The following NRK variants were observed in gnomAD, a reference collection of about 807,000 sequenced individuals.
NRK encodes the protein nik-related protein kinase.
A neutral mutation model predicts 125.2 loss-of-function variants in NRK; 67 were observed. The ratio of observed to expected loss-of-function variants is 0.54; its 90% CI spans 0.44 to 0.66. The LOEUF is 0.66. NRK is among the 30% of genes least tolerant of loss of function. NRK has a pLI of 0.00. For synonymous variants in NRK, 458 were observed against 429.0 expected (o/e 1.07, Z -0.84); for missense variants, 1,224 against 1,192.9 (o/e 1.03, Z -0.38).
chrX:105,896,857 A>G (rs1371247005), intron 7 of NRK, among the ~76,000 whole-genome samples: 1 of 111,618 alleles, frequency 9.0e-6, no homozygotes, highest in Non-Finnish European at 1.9e-5. Context: ...CAATAAATGA[A>G]TAAACAATGA....
intron 9 of NRK, among the ~76,000 whole-genome samples, chrX:105,904,450 G>A (rs1353108272): frequency 8.9e-6 from 1 of 111,935 alleles, no homozygotes; most frequent in Non-Finnish European, 1.9e-5. Flanking sequence ...TAACATCTTT[G>A]TTATAATATC....
At chrX:105,933,964 A>T (rs1199283401) in intron 19 of NRK, among the ~76,000 whole-genome samples, 3 of 112,022 alleles carry the variant, frequency 2.7e-5, no homozygotes, top group African/African-American at 9.7e-5. Flanking sequence ...TCTAAATATC[A>T]TGCTTAGCAC....
intron 22 of NRK, among the ~76,000 whole-genome samples, chrX:105,939,008 A>C (rs761491809): frequency 9.1e-6 from 1 of 109,394 alleles, no homozygotes; most frequent in African/African-American, 3.5e-5. Context: ...AAAAGCATGA[A>C]AGTAACTGCC....
chrX:105,845,517 T>C (rs1311013538), intron 2 of NRK, among the ~76,000 whole-genome samples: 1 of 112,154 alleles, frequency 8.9e-6, no homozygotes, highest in Non-Finnish European at 1.9e-5. Flanking sequence ...ACATTTTTAA[T>C]GTAAGTATGT....
intron 27 of NRK, among the ~76,000 whole-genome samples, chrX:105,950,574 GTGTGGA>G (rs761578223): frequency 2.1e-5 from 2 of 94,068 alleles, no homozygotes; most frequent in Non-Finnish European, 4.2e-5. Context: ...GTGTGTGTGT[GTGTGGA>G]GAGAGAGAGA....
chrX:105,948,743 T>C (rs2040851915), intron 26 of NRK: 1 of 488,391 alleles, frequency 2.0e-6, no homozygotes, highest in Non-Finnish European at 3.6e-6. Flanking sequence ...GCACCTGGCC[T>C]GAGTACGCTG....
chrX:105,932,727 C>T (rs2038800989), intron 19 of NRK, among the ~76,000 whole-genome samples: 1 of 111,098 alleles, frequency 9.0e-6, no homozygotes, highest in Non-Finnish European at 1.9e-5. Context: ...ATCAGCGCTC[C>T]TGTGCAAGCT....
chrX:105,860,217 A>G (rs989646537), intron 2 of NRK, among the ~76,000 whole-genome samples: 2 of 111,390 alleles, frequency 1.8e-5, no homozygotes, highest in African/African-American at 6.5e-5. Context: ...TTCAAAGACA[A>G]AAATGCTTTT....
At chrX:105,936,970 A>G (rs1004544833) in intron 21 of NRK, among the ~76,000 whole-genome samples, 8 of 111,160 alleles carry the variant, frequency 7.2e-5, no homozygotes, top group Non-Finnish European at 1.5e-4. Context: ...AATGAGCTGA[A>G]TTGAACTCTT....
At chrX:105,832,789 G>A (rs1269082032) in intron 2 of NRK, among the ~76,000 whole-genome samples, 1 of 110,790 alleles carries the variant, frequency 9.0e-6, no homozygotes, top group Non-Finnish European at 1.9e-5. Context: ...TTTGAGAGAT[G>A]AAGGCAGGAG....
chrX:105,822,524 G>A (rs988891320), upstream of NRK: 2 of 295,622 alleles, frequency 6.8e-6, no homozygotes, highest in African/African-American at 2.8e-5. Context: ...TGAAAGAGGC[G>A]CACCCTGACG....
intron 5 of NRK, among the ~76,000 whole-genome samples, chrX:105,890,263 A>G (rs1309197068): frequency 9.0e-6 from 1 of 111,640 alleles, no homozygotes; most frequent in Non-Finnish European, 1.9e-5. Flanking sequence ...CTCAGCCTGA[A>G]CCATATTGTC....
intron 2 of NRK, 92 bp from the exon 3 acceptor site, chrX:105,880,107 G>A (rs1430955482): frequency 1.7e-5 from 6 of 345,325 alleles, no homozygotes; most frequent in South Asian, 7.7e-5. Context: ...CAATGTATTC[G>A]ACACTAATTT....
chrX:105,844,019 CTGTGTG>C (rs1178483710), intron 2 of NRK, among the ~76,000 whole-genome samples: 5 of 63,245 alleles, frequency 7.9e-5, no homozygotes, highest in South Asian at 9.0e-4. Context: ...GTGTGTGTGT[CTGTGTG>C]TGTGTGTGTG....
At chrX:105,840,035 A>T (rs1449750010) in intron 2 of NRK, among the ~76,000 whole-genome samples, 1 of 112,029 alleles carries the variant, frequency 8.9e-6, no homozygotes, top group African/African-American at 3.2e-5. Flanking sequence ...GGACCAAATT[A>T]GTGGAAATTG....
chrX:105,885,507 C>G (rs1482949911), intron 4 of NRK, among the ~76,000 whole-genome samples: 5 of 112,366 alleles, frequency 4.4e-5, no homozygotes, highest in Non-Finnish European at 9.4e-5. Flanking sequence ...ATATTTTTCT[C>G]AAGTGTATTG....
chrX:105,948,147 G>T (rs755023979), intron 26 of NRK, among the ~76,000 whole-genome samples: 34 of 110,801 alleles, frequency 3.1e-4, no homozygotes, highest in African/African-American at 1.0e-3. Context: ...TTGCAGCATT[G>T]GTCCATGTTT....
chrX:105,940,001 T>C lies in NRK; in HGVS notation c.3927T>C (p.Asp1309=), dbSNP rs1012791420. The C allele has an allele frequency of 2.5e-6, 3 of 1,187,849 alleles. No homozygotes were observed. The African/African-American group carries it at 5.3e-5, about 21-fold the overall frequency. Residue 1309 remains aspartate, a synonymous_variant, in exon 23 of 29, where the codon GAT becomes GAC. Transcript: ENST00000243300. ...CAGAGGAAGCCTGCAAAGCTATTGA[T>C]AAGTTAACAGGCTGTGAACACTTCA... ...LKTEEACKAI[D]KLTGCEHFSV... is the part of the protein sequence containing the mutation.
Position 105,956,991 on chromosome X carries a change from T to C in NRK, c.*1391T>C, listed in dbSNP as rs984566140. 5 of 112,344 alleles carry C rather than the reference T, an allele frequency of 4.5e-5. No homozygotes were observed. Among genetic ancestry groups the C allele is most frequent in the Non-Finnish European group, 9.4e-5 (5 of 53,172 alleles). The allele number at this position is 112,344 out of a possible 1,213,427, so 9.3% of individuals were successfully genotyped here. On this transcript the variant is annotated 3_prime_UTR_variant, in exon 29 of 29. Coordinates refer to ENST00000243300, the MANE Select transcript of NRK (RefSeq NM_198465.4). ...GGACAGTGCTAGTGGGAAAATAATT[T>C]TCAAACTACCTGGTTAACCAAAATA...
Sources: gnomAD v4.1 joint callset for allele counts (sites outside exome capture counted in the v4.1 genomes callset) on GRCh38, gnomAD v4.1.1 for gene constraint, MANE v1.5 for transcripts, NCBI Gene and HGNC (gene_info 2026-07-23, HGNC 2026-07-21) for gene names.